The following SP100 variants were observed in gnomAD, a reference collection of about 807,000 sequenced individuals.
SP100 encodes nuclear autoantigen Sp-100.
A neutral mutation model predicts 130.0 loss-of-function variants in SP100; 84 were observed. The observed-to-expected ratio is 0.65, with a 90% CI of 0.54 to 0.77. The LOEUF (loss-of-function observed/expected upper bound fraction) is 0.77. Among genes scored for constraint, SP100 ranks in the 30% least tolerant of loss-of-function variants. The pLI, the probability that SP100 is intolerant of heterozygous loss-of-function variation, is 0.00. For synonymous variants in SP100, 331 were observed against 351.7 expected (o/e 0.94, Z 0.66); for missense variants, 978 against 1,052.2 (o/e 0.93, Z 0.97).
intron 24 of SP100, among the ~76,000 whole-genome samples, chr2:230,518,528 T>G (rs1691029094): frequency 6.6e-6 from 1 of 151,876 alleles, no homozygotes; most frequent in Non-Finnish European, 1.5e-5. Context: ...ACATTTTTTA[T>G]CTTAATTGGA....
chr2:230,499,045 C>T lies in SP100; in HGVS notation c.1720+510C>T, dbSNP rs151277097. 2.3e-4 allele frequency among the ~76,000 whole-genome samples: 35 copies of T among 152,234 alleles called. No individual in the cohort carries two copies. In the East Asian group the frequency reaches 6.4e-3, roughly 28 times the overall value. ...CATTCCGTGGATCTCCTACAGGACT[C>T]GGTAAAAACTATGGACAGCCCCCTC... On this transcript the variant is annotated intron_variant, in intron 19 of 28. Transcript: ENST00000340126.
At chr2:230,420,699 T>A (rs2062743124) in intron 2 of SP100, among the ~76,000 whole-genome samples, 1 of 152,170 alleles carries the variant, frequency 6.6e-6, no homozygotes, top group African/African-American at 2.4e-5. Context: ...ATTGAAACAT[T>A]TTATTAATTC....
chr2:230,432,692 G>A (rs754976244), intron 2 of SP100, among the ~76,000 whole-genome samples: 3 of 151,840 alleles, frequency 2.0e-5, no homozygotes, highest in African/African-American at 4.8e-5. Context: ...TTTTTAATTG[G>A]CTTGTCTTCT....
chr2:230,503,804 C>A (rs186831855), intron 20 of SP100, among the ~76,000 whole-genome samples: 1 of 152,326 alleles, frequency 6.6e-6, no homozygotes, highest in Admixed American at 6.5e-5. Flanking sequence ...TCCCCTCAGT[C>A]AATGCCTGGA....
Position 230,534,102 on chromosome 2 carries a change from T to C in SP100, c.2095-5165T>C, listed in dbSNP as rs995410008. The stretch of plus-strand genomic sequence containing the variant: ...GTTTCATTGTTTGGGAAACTGAGTC[T>C]ACTCCCTAGAAAAGGGTAAATGTCA... On this transcript the variant is annotated intron_variant, in intron 24 of 28. Transcript: ENST00000340126. 4.3e-4 allele frequency among the ~76,000 whole-genome samples: 65 copies of C among 152,326 alleles called. 1 individual carries two copies. The highest frequency in any genetic ancestry group is 1.3e-3 in the African/African-American group (56 of 41,582).
intron 21 of SP100, among the ~76,000 whole-genome samples, chr2:230,505,975 G>A (rs961321289): frequency 6.6e-6 from 1 of 152,184 alleles, no homozygotes; most frequent in African/African-American, 2.4e-5. Context: ...GAGAAGGGAG[G>A]AGGAAGAATT....
intron 24 of SP100, chr2:230,538,206 GA>G (rs1157543134): frequency 6.6e-6 from 1 of 152,218 alleles, no homozygotes; most frequent in East Asian, 1.9e-4. Context: ...GTAAGCAAAA[GA>G]AAAAAATTCT....
chr2:230,501,260 A>G (rs536073192), intron 19 of SP100, among the ~76,000 whole-genome samples: 1 of 152,260 alleles, frequency 6.6e-6, no homozygotes, highest in Admixed American at 6.5e-5. Flanking sequence ...CAAAAAAAAT[A>G]AAGGGGGTTG....
intron 2 of SP100, among the ~76,000 whole-genome samples, chr2:230,419,590 T>A (rs1451857286): frequency 6.6e-6 from 1 of 152,208 alleles, no homozygotes; most frequent in East Asian, 1.9e-4. Flanking sequence ...AAAAATAATA[T>A]GCTGAGGTTG....
chr2:230,422,852 C>T (rs1447972334), intron 2 of SP100, among the ~76,000 whole-genome samples: 1 of 152,124 alleles, frequency 6.6e-6, no homozygotes, highest in Non-Finnish European at 1.5e-5. Flanking sequence ...TTCATCCACT[C>T]CTGGGTTGGA....
In SP100 at chr2:230,539,219, G is replaced by A. The variant is rs1230320566; in HGVS notation, c.2095-48G>A. ...ACATAAAAAGGTCACATATTCTAGG[G>A]TCCAAGGGTCTCACTGATCCCGGTG... On this transcript the variant is annotated intron_variant, in intron 24 of 28. Transcript: ENST00000340126. 7 of 1,191,288 alleles carry A rather than the reference G, an allele frequency of 5.9e-6. No individual in the cohort carries two copies. In the South Asian group the frequency reaches 6.1e-5, roughly 10 times the overall value. 73.8% of individuals were successfully genotyped at this position (1,191,288 alleles called of 1,614,324 possible).
At chr2:230,438,983 T>G (rs1245094970) in intron 2 of SP100, among the ~76,000 whole-genome samples, 1 of 152,202 alleles carries the variant, frequency 6.6e-6, no homozygotes, top group African/African-American at 2.4e-5. Context: ...TGTAAAAGTG[T>G]TCCCTTTTCA....
intron 11 of SP100, among the ~76,000 whole-genome samples, chr2:230,464,924 T>A (rs1056192650): frequency 9.9e-5 from 15 of 152,062 alleles, no homozygotes; most frequent in African/African-American, 3.6e-4. Flanking sequence ...AAACTCCACC[T>A]CTACCAAAAA....
At chr2:230,428,090 G>C (rs1000792257) in intron 2 of SP100, among the ~76,000 whole-genome samples, 3 of 152,080 alleles carry the variant, frequency 2.0e-5, no homozygotes, top group Non-Finnish European at 2.9e-5. Flanking sequence ...AATTAGCCAG[G>C]CGTGGTGGCA....
chr2:230,464,917 C>G (rs779046303), intron 11 of SP100, among the ~76,000 whole-genome samples: 1 of 152,138 alleles, frequency 6.6e-6, no homozygotes, highest in Non-Finnish European at 1.5e-5. Context: ...CATGGAGAAA[C>G]TCCACCTCTA....
rs961259731 is a variant in SP100, at chr2:230,541,494, G to C, written c.2403+122G>C. 16 of 786,096 alleles carry C rather than the reference G, an allele frequency of 2.0e-5. No homozygotes were observed. The African/African-American group carries it at 2.4e-4, about 12-fold the overall frequency. The allele number at this position is 786,096 out of a possible 1,614,324, so 48.7% of individuals were successfully genotyped here. On this transcript the variant is annotated intron_variant, in intron 27 of 28. Coordinates refer to ENST00000340126, the MANE Select transcript of SP100 (RefSeq NM_001080391.2). ...TGAGTTTTTAGTTCAGGCTACTATA[G>C]AAATTTATCATAGATTAGGTGGCTT...
chr2:230,527,619 A>C (rs1390792160), intron 24 of SP100, among the ~76,000 whole-genome samples: 1 of 152,206 alleles, frequency 6.6e-6, no homozygotes, highest in African/African-American at 2.4e-5. Flanking sequence ...CAATTAAAAG[A>C]CATAGACTGG....
At chr2:230,455,043 TTC>T (rs1165228445) in intron 8 of SP100, among the ~76,000 whole-genome samples, 7 of 152,138 alleles carry the variant, frequency 4.6e-5, no homozygotes, top group Non-Finnish European at 1.0e-4. Context: ...CCTTCTTATT[TTC>T]TTTCTTTCTT....
In SP100 at chr2:230,481,399, G is replaced by A. The variant is rs1020499202; in HGVS notation, c.1600+6952G>A. ...AAATGGCACTACATTTACTAAGTTT[G>A]AGCCAAAAATGTAGAAGGTGTGCTT... On this transcript the variant is annotated intron_variant, in intron 17 of 28. Transcript: ENST00000340126. 2.6e-5 allele frequency among the ~76,000 whole-genome samples: 4 copies of A among 152,174 alleles called. No individual in the cohort carries two copies. In the South Asian group the frequency reaches 8.3e-4, roughly 32 times the overall value.
Sources: gnomAD v4.1 joint callset for allele counts (sites outside exome capture counted in the v4.1 genomes callset) on GRCh38, gnomAD v4.1.1 for gene constraint, MANE v1.5 for transcripts, NCBI Gene and HGNC (gene_info 2026-07-23, HGNC 2026-07-21) for gene names.